Variants in DOCK5 observed in about 807,000 individuals in gnomAD.
DOCK5 encodes the protein dedicator of cytokinesis protein 5.
DOCK5 carries 142 observed loss-of-function variants against 251.8 expected under a neutral mutation model. That is an observed-to-expected ratio of 0.56 (90% CI 0.49 to 0.65). DOCK5 has a LOEUF of 0.65. Ranked by LOEUF, DOCK5 falls within the 30% of genes least tolerant of loss-of-function variation. DOCK5 has a pLI of 0.00. For missense variants in DOCK5, 2,111 were observed against 2,312.3 expected, an observed-to-expected ratio of 0.91 and a Z score of 1.79; for synonymous variants, 842 against 835.5, an observed-to-expected ratio of 1.01 and a Z score of -0.13.
intron 1 of DOCK5, among the ~76,000 whole-genome samples, chr8:25,224,341 A>T (rs1035635609): frequency 2.0e-5 from 3 of 151,912 alleles, no homozygotes; most frequent in African/African-American, 7.3e-5. Context: ...CTGGTCTCGA[A>T]CTCCTGGCCT....
Position 25,319,659 on chromosome 8 carries a change from TG to T in DOCK5, c.1527del (p.Trp509CysfsTer11). 1 of 1,585,496 alleles carries T rather than the reference TG, an allele frequency of 6.3e-7. No homozygotes were observed. The highest frequency in any genetic ancestry group is 8.6e-7 in the Non-Finnish European group (1 of 1,165,712). On this transcript the variant is annotated frameshift_variant, in exon 15 of 52. Coordinates refer to ENST00000276440, the MANE Select transcript of DOCK5 (RefSeq NM_024940.8). LOFTEE classifies it high-confidence loss of function. ...VVYYQVKQPCWYETVKVSIAI... is the reference protein window; with the variant it reads ...VVYYQVKQPCXYETVKVSIAI... The stretch of plus-strand genomic sequence containing the variant: ...CTATTACCAAGTCAAGCAGCCCTGT[TG>T]GTATGAGACTGTCAAGGTGAGAATG...
At chr8:25,265,746 A>G (rs73558497) in intron 2 of DOCK5, among the ~76,000 whole-genome samples, 5,866 of 151,988 alleles carry the variant, frequency 0.039, 473 homozygotes, top group African/African-American at 0.13. Flanking sequence ...ATCAGGGAAG[A>G]GATCTGTTGG....
intron 11 of DOCK5, among the ~76,000 whole-genome samples, chr8:25,307,057 G>T (rs1278089679): frequency 6.6e-6 from 1 of 152,020 alleles, no homozygotes; most frequent in Non-Finnish European, 1.5e-5. Flanking sequence ...TAATGAGTTG[G>T]GCTGAGATGT....
intron 28 of DOCK5, among the ~76,000 whole-genome samples, chr8:25,360,592 A>G (rs1800659710): frequency 6.6e-6 from 1 of 152,032 alleles, no homozygotes; most frequent in South Asian, 2.1e-4. Flanking sequence ...ACCTCACTGA[A>G]CTTCAGTCTC....
At chr8:25,277,567 C>A (rs373793858) in intron 4 of DOCK5, 1 of 152,254 alleles carries the variant, frequency 6.6e-6, no homozygotes, top group East Asian at 1.9e-4. Context: ...CAAAGCCGTA[C>A]AGCTCTTTGG....
intron 1 of DOCK5, among the ~76,000 whole-genome samples, chr8:25,200,980 C>G (rs1014269939): frequency 2.6e-4 from 40 of 152,112 alleles, no homozygotes; most frequent in African/African-American, 8.9e-4. Context: ...AATCTCGGCT[C>G]ACTGCAACCT....
In DOCK5 at chr8:25,357,373, C is replaced by CTT. The variant is rs397891518; in HGVS notation, c.2851-1568_2851-1567dup. 7.2e-3 allele frequency among the ~76,000 whole-genome samples: 668 copies of CTT among 92,606 alleles called. 7 individuals carry two copies. The highest frequency in any genetic ancestry group is 0.01 in the East Asian group (30 of 2,982). 60.8% of individuals were successfully genotyped at this position (92,606 alleles called of 152,430 possible). ...ACTGCTTTATAATTGAAAAAATAAA[C>CTT]TTTTTTTTTTTTTTTTTTTTTTTGA... is the stretch of plus-strand genomic sequence containing the variant. On this transcript the variant is annotated intron_variant, in intron 27 of 51. Coordinates refer to ENST00000276440, the MANE Select transcript of DOCK5 (RefSeq NM_024940.8).
chr8:25,263,043 A>G (rs1364972422), intron 2 of DOCK5, among the ~76,000 whole-genome samples: 3 of 151,962 alleles, frequency 2.0e-5, no homozygotes, highest in South Asian at 4.1e-4. Flanking sequence ...TTTCTTGAAT[A>G]ATATGTTTTT....
rs1464008697 is a variant in DOCK5 at position 25,400,941 on chromosome 8, A to G, written c.4801A>G (p.Thr1601Ala). ...RLIALQMPLL[T>A]EGIRIHGEKL... ...CCCTTCTTTCCAGATGCCCCTGCTAACAGAAGGGATCCGCATCCATGGGGA... is the reference window on the plus strand; with the variant it reads ...CCCTTCTTTCCAGATGCCCCTGCTAGCAGAAGGGATCCGCATCCATGGGGA... The change falls in exon 47 of 52, where the codon ACA becomes GCA. Residue 1601 changes from threonine (T) to alanine (A), a missense_variant. Thr to Ala is a moderately conservative substitution (Grantham distance 58). Coordinates refer to ENST00000276440, the MANE Select transcript of DOCK5 (RefSeq NM_024940.8). The G allele has an allele frequency of 6.2e-7, 1 of 1,613,958 alleles. No individual in the cohort carries two copies. Among genetic ancestry groups the G allele is most frequent in the East Asian group, 2.2e-5 (1 of 44,882 alleles).
chr8:25,391,850 G>T (rs1259228924), intron 42 of DOCK5, 46 bp from the exon 43 acceptor site: 9 of 1,575,254 alleles, frequency 5.7e-6, no homozygotes, highest in Non-Finnish European at 7.0e-6. Context: ...TCAAGCAGTG[G>T]TTGTTCTAAG....
At position 25,211,158 on chromosome 8, in the gene DOCK5, G is replaced by C. The variant is rs1802119087; in HGVS notation, c.43+26207G>C. On this transcript the variant is annotated intron_variant, in intron 1 of 51. Coordinates refer to ENST00000276440, the MANE Select transcript of DOCK5 (RefSeq NM_024940.8). ...TGGAATCAGATATCCCTGTCTTTAA[G>C]GAACTTACAGTACAGCAGAGGGGAC... 4.2e-5 allele frequency among the ~76,000 whole-genome samples: 3 copies of C among 70,784 alleles called. 1 individual carries two copies. The South Asian group carries it at 1.1e-3, about 27-fold the overall frequency. 46.4% of individuals were successfully genotyped at this position (70,784 alleles called of 152,430 possible). A position where few individuals can be genotyped will look rare whatever the true frequency, so the allele number is the denominator to read the frequency against.
chr8:25,310,667 CAG>C, intron 13 of DOCK5, 135 bp downstream of exon 13: 1 of 981,394 alleles, frequency 1.0e-6, no homozygotes, highest in Non-Finnish European at 1.4e-6. Context: ...GGGACACAAA[CAG>C]AGACACCTGC....
intron 18 of DOCK5, 30 bp from the exon 19 acceptor site, chr8:25,332,221 G>A (rs1354605593): frequency 2.9e-5 from 46 of 1,562,414 alleles, no homozygotes; most frequent in Non-Finnish European, 4.0e-5. Context: ...GTTCTCACCT[G>A]TATCTAATGT....
At position 25,413,697 on chromosome 8, in the gene DOCK5, C is replaced by T. The variant is rs1801667418; in HGVS notation, c.*2399C>T. The T allele has an allele frequency of 6.6e-6, 1 of 152,236 alleles. No individual in the cohort carries two copies. Among genetic ancestry groups the T allele is most frequent in the African/African-American group, 2.4e-5 (1 of 41,466 alleles). The allele number at this position is 152,236 out of a possible 1,614,324, so 9.4% of individuals were successfully genotyped here. A position where few individuals can be genotyped will look rare whatever the true frequency, so the allele number is the denominator to read the frequency against. On this transcript the variant is annotated 3_prime_UTR_variant, in exon 52 of 52. Coordinates refer to ENST00000276440, the MANE Select transcript of DOCK5 (RefSeq NM_024940.8). The stretch of plus-strand genomic sequence containing the variant: ...CAGAGGCTGGGAAGATAGGATACAT[C>T]ACTGTCTGGATACCTTCTCTTTTTA...
chr8:25,341,734 T>C lies in DOCK5; in HGVS notation c.2440-5T>C, dbSNP rs1251429296. The C allele has an allele frequency of 6.4e-7, 1 of 1,572,768 alleles. No individual in the cohort carries two copies. Among genetic ancestry groups the C allele is most frequent in the East Asian group, 2.3e-5 (1 of 43,498 alleles). The stretch of plus-strand genomic sequence containing the variant: ...CTGAATTTGCCTTTGGTGTTTTTCT[T>C]ACAGGGGGCAGCTTTGAAGTACCTT... On this transcript the variant is annotated splice_polypyrimidine_tract_variant and splice_region_variant and intron_variant, in intron 23 of 51. Transcript: ENST00000276440.
chr8:25,347,570 A>G (rs1262068209), intron 26 of DOCK5, among the ~76,000 whole-genome samples: 1 of 152,240 alleles, frequency 6.6e-6, no homozygotes. Context: ...TTATAATTCA[A>G]TAATTCCTTA....
At chr8:25,243,597 G>T (rs2117546537) in intron 1 of DOCK5, 77 bp from the exon 2 acceptor site, 1 of 1,396,024 alleles carries the variant, frequency 7.2e-7, no homozygotes, top group South Asian at 1.2e-5. Context: ...TCAAAGTGCT[G>T]AGATTATAGG....
In DOCK5 at chr8:25,334,413, C is replaced by T. The variant is rs763345245; in HGVS notation, c.2192+217C>T. The stretch of plus-strand genomic sequence containing the variant: ...ATCAGGGCCTTCATTCTGGATCAGG[C>T]GAAATTTCCTTAAGGATCCAGAATA... On this transcript the variant is annotated intron_variant, in intron 21 of 51. Coordinates refer to ENST00000276440, the MANE Select transcript of DOCK5 (RefSeq NM_024940.8). Among the ~76,000 whole-genome samples the T allele has an allele frequency of 1.5e-4, 23 of 152,104 alleles. No homozygotes were observed. The highest frequency in any genetic ancestry group is 7.7e-4 in the East Asian group (4 of 5,192).
chr8:25,338,119 CT>C (rs2117226644), intron 22 of DOCK5, among the ~76,000 whole-genome samples: 1 of 150,510 alleles, frequency 6.6e-6, no homozygotes, highest in East Asian at 2.0e-4. Context: ...TGTTGGGTCA[CT>C]GCACTCTGCT....
Sources: gnomAD v4.1 joint callset for allele counts (sites outside exome capture counted in the v4.1 genomes callset) on GRCh38, gnomAD v4.1.1 for gene constraint, MANE v1.5 for transcripts, NCBI Gene and HGNC (gene_info 2026-07-23, HGNC 2026-07-21) for gene names.